IL1RN: variants seen among roughly 807,000 people sequenced by gnomAD.
IL1RN encodes interleukin-1 receptor antagonist protein.
IL1RN carries 10 observed loss-of-function variants against 13.7 expected under a neutral mutation model. That is an observed-to-expected ratio of 0.73 (90% CI 0.45 to 1.24). The LOEUF is 1.24. IL1RN is among the 50% of genes most tolerant of loss of function. The pLI, the probability that IL1RN is intolerant of heterozygous loss-of-function variation, is 0.00. For missense variants in IL1RN, 213 were observed against 222.1 expected (o/e 0.96, Z 0.26); for synonymous variants, 102 against 82.7 (o/e 1.23, Z -1.27).
chr2:113,125,876 G>A (rs1190760404), upstream of IL1RN, among the ~76,000 whole-genome samples: 2 of 152,172 alleles, frequency 1.3e-5, no homozygotes, highest in Admixed American at 1.3e-4. Flanking sequence ...TTGGCTCACT[G>A]CGACCTCCAT....
upstream of IL1RN, among the ~76,000 whole-genome samples, chr2:113,126,345 T>A (rs1020620001): frequency 2.0e-5 from 3 of 152,200 alleles, no homozygotes; most frequent in Admixed American, 2.0e-4. Context: ...ACTTTTGCCA[T>A]CAGCAAGCTG....
chr2:113,109,107 G>T (rs1488577580), upstream of IL1RN, among the ~76,000 whole-genome samples: 4 of 152,036 alleles, frequency 2.6e-5, no homozygotes, highest in African/African-American at 4.8e-5. Flanking sequence ...GAGAGAAAAA[G>T]AAGCATTGAA....
At chr2:113,100,069 TCCCAGCACTTTGG>T in the IL1RN span, among the ~76,000 whole-genome samples, 2 of 136,790 alleles carry the variant, frequency 1.5e-5, no homozygotes, top group African/African-American at 5.3e-5. Flanking sequence ...ACGCCTGTAA[TCCCAGCACTTTGG>T]GAGGCCGAGG....
At chr2:113,101,133 A>G in the IL1RN span, among the ~76,000 whole-genome samples, 1 of 152,218 alleles carries the variant, frequency 6.6e-6, no homozygotes, top group Admixed American at 6.5e-5. Context: ...GCGAAATGTC[A>G]GATAAAGGCT....
At chr2:113,126,272 T>C (rs1210901031), upstream of IL1RN, among the ~76,000 whole-genome samples, 1 of 152,058 alleles carries the variant, frequency 6.6e-6, no homozygotes, top group Non-Finnish European at 1.5e-5. Context: ...GGGTTTAAAG[T>C]TTCTGAAGCA....
chr2:113,130,226 A>G (rs128964), intron 2 of IL1RN: 35,882 of 163,210 alleles, frequency 0.22, 4,755 homozygotes, highest in South Asian at 0.29. Flanking sequence ...GGATGTTTTC[A>G]CTCCCCTGTT....
chr2:113,130,946 T>A, intron 2 of IL1RN, 99 bp from the exon 3 acceptor site: 1 of 798,528 alleles, frequency 1.3e-6, no homozygotes, highest in Non-Finnish European at 2.2e-6. Context: ...GGGATTTTAG[T>A]TTTGTGGGGA....
intron 3 of IL1RN, 91 bp from the exon 4 acceptor site, chr2:113,132,565 C>A: frequency 1.6e-6 from 2 of 1,217,408 alleles, no homozygotes; most frequent in South Asian, 1.2e-5. Flanking sequence ...CTGGGCTGTC[C>A]AGAGGGCCAT....
chr2:113,117,799 C>A (rs1418976223), upstream of IL1RN: 2 of 615,406 alleles, frequency 3.2e-6, no homozygotes, highest in Non-Finnish European at 5.8e-6. Flanking sequence ...CAGCCATCAG[C>A]CGGCCCATCT....
In IL1RN at chr2:113,131,035, T is replaced by C. The variant is rs1300258206; in HGVS notation, c.206-10T>C. The C allele has an allele frequency of 6.4e-7, 1 of 1,558,992 alleles. No individual in the cohort carries two copies. The highest frequency in any genetic ancestry group is 1.1e-5 in the South Asian group (1 of 89,992). ...CTATTAACCTGACCCTCCCCTCTGT[T>C]CTTCCCCAGAAAAGATAGATGTGGT... On this transcript the variant is annotated splice_polypyrimidine_tract_variant and intron_variant, in intron 2 of 3. Coordinates refer to ENST00000409930, the MANE Select transcript of IL1RN (RefSeq NM_173842.3).
upstream of IL1RN, among the ~76,000 whole-genome samples, chr2:113,105,553 T>G (rs1420393567): frequency 6.6e-6 from 1 of 152,222 alleles, no homozygotes; most frequent in Admixed American, 6.5e-5. Context: ...CTCAGAACTT[T>G]TTTATAATTG....
chr2:113,125,423 T>G (rs566083994), upstream of IL1RN, among the ~76,000 whole-genome samples: 10 of 152,252 alleles, frequency 6.6e-5, no homozygotes, highest in South Asian at 2.1e-3. Context: ...GATGGGTGAC[T>G]CACTCAAGGT....
At chr2:113,124,672 C>A (rs1459454343), upstream of IL1RN, among the ~76,000 whole-genome samples, 1 of 152,164 alleles carries the variant, frequency 6.6e-6, no homozygotes, top group Non-Finnish European at 1.5e-5. Context: ...GCATTTCATT[C>A]AATCCTTATA....
chr2:113,116,931 A>G (rs572158167), upstream of IL1RN, among the ~76,000 whole-genome samples: 5 of 152,380 alleles, frequency 3.3e-5, no homozygotes, highest in Admixed American at 3.3e-4. Context: ...TCTGAAGGGC[A>G]GAAGTGGTGT....
intron 2 of IL1RN, 199 bp downstream of exon 2, chr2:113,129,863 G>A (rs1687101351): frequency 3.4e-6 from 2 of 588,408 alleles, no homozygotes; most frequent in Admixed American, 2.4e-5. Context: ...GTGTGGAGAG[G>A]TAGAGTCTAG....
chr2:113,100,323 C>G, the IL1RN span, among the ~76,000 whole-genome samples: 24 of 135,112 alleles, frequency 1.8e-4, no homozygotes, highest in Non-Finnish European at 4.8e-5. Flanking sequence ...GAGACTCCGT[C>G]TCAAAAAAAA....
chr2:113,104,128 T>C (rs1183691220), upstream of IL1RN, among the ~76,000 whole-genome samples: 6 of 152,104 alleles, frequency 3.9e-5, no homozygotes, highest in East Asian at 9.6e-4. Context: ...ACTGAAGCAC[T>C]GAGGAAGGAA....
chr2:113,128,024 C>A (rs1687027534), intron 1 of IL1RN, among the ~76,000 whole-genome samples: 1 of 152,200 alleles, frequency 6.6e-6, no homozygotes, highest in South Asian at 2.1e-4. Context: ...GACTGCGATT[C>A]AGGCCTAGTT....
chr2:113,106,862 G>A (rs1158680928), upstream of IL1RN, among the ~76,000 whole-genome samples: 1 of 150,958 alleles, frequency 6.6e-6, no homozygotes, highest in Non-Finnish European at 1.5e-5. Flanking sequence ...TGAGCAAGAA[G>A]CAAGAATAAC....
Sources: gnomAD v4.1 joint callset for allele counts (sites outside exome capture counted in the v4.1 genomes callset) on GRCh38, gnomAD v4.1.1 for gene constraint, MANE v1.5 for transcripts, NCBI Gene and HGNC (gene_info 2026-07-23, HGNC 2026-07-21) for gene names.